Variants in SLC6A15 observed in about 807,000 individuals in gnomAD.
SLC6A15 encodes the protein sodium-dependent neutral amino acid transporter B(0)AT2.
In SLC6A15, 33 loss-of-function variants were observed where a neutral mutation model predicts 68.5. That is an observed-to-expected ratio of 0.48 (90% CI 0.37 to 0.64). SLC6A15 has a LOEUF of 0.64. Among genes scored for constraint, SLC6A15 ranks in the 30% least tolerant of loss-of-function variants. The pLI, the probability that SLC6A15 is intolerant of heterozygous loss-of-function variation, is 0.00. For synonymous variants in SLC6A15, 347 were observed against 301.0 expected (o/e 1.15, Z -1.58); for missense variants, 747 against 874.3 (o/e 0.85, Z 1.84).
At position 84,859,810 on chromosome 12, in the gene SLC6A15, C is replaced by A. The variant is rs1870770804; in HGVS notation, c.*1822G>T. Reference sequence around the variant, plus strand: ...AATGCTGTCCAAAATAAATTATTCACAGAAATAGGTAAGATATAGAAGAGA... The same window carrying A: ...AATGCTGTCCAAAATAAATTATTCAAAGAAATAGGTAAGATATAGAAGAGA... On this transcript the variant is annotated 3_prime_UTR_variant, in exon 12 of 12. Transcript: ENST00000266682. 6.6e-6 allele frequency: 1 copy of A among 151,864 alleles called. No homozygotes were observed. Among genetic ancestry groups the A allele is most frequent in the Non-Finnish European group, 1.5e-5 (1 of 67,890 alleles). The allele number at this position is 151,864 out of a possible 1,614,324, so 9.4% of individuals were successfully genotyped here.
At chr12:84,900,025 C>G (rs924168764) in intron 1 of SLC6A15, among the ~76,000 whole-genome samples, 4 of 151,978 alleles carry the variant, frequency 2.6e-5, no homozygotes, top group Non-Finnish European at 5.9e-5. Context: ...AAAAACCCAG[C>G]CTACTAGGAT....
In SLC6A15 at chr12:84,879,752, T is replaced by C. The variant is rs547975106; in HGVS notation, c.757-3145A>G. 4.6e-5 allele frequency among the ~76,000 whole-genome samples: 7 copies of C among 152,166 alleles called. 1 individual carries two copies. Among genetic ancestry groups the C allele is most frequent in the Non-Finnish European group, 8.8e-5 (6 of 67,942 alleles). ...ATATTGCACATTAAGATAAAACTTA[T>C]AGGAATTTAAGTTTTTCTTCTTGTA... is the stretch of plus-strand genomic sequence containing the variant. On this transcript the variant is annotated intron_variant, in intron 5 of 11. Transcript: ENST00000266682.
chr12:84,902,845 T>C (rs1294601424), intron 1 of SLC6A15, among the ~76,000 whole-genome samples: 3 of 152,100 alleles, frequency 2.0e-5, no homozygotes, highest in Non-Finnish European at 4.4e-5. Flanking sequence ...GAGTTAGGGA[T>C]GGAGAGGGTA....
At chr12:84,862,076 G>C (rs1405541989) in intron 11 of SLC6A15, 70 bp from the exon 12 acceptor site, 2 of 1,437,680 alleles carry the variant, frequency 1.4e-6, no homozygotes, top group Admixed American at 4.6e-5. Context: ...TATTGTACTT[G>C]CTTCAAGTTT....
chr12:84,901,035 CATACACATATACGTATATATGT>C (rs1872851546), intron 1 of SLC6A15, among the ~76,000 whole-genome samples: 1 of 127,990 alleles, frequency 7.8e-6, no homozygotes, highest in Non-Finnish European at 1.7e-5. Flanking sequence ...TGTATATATG[CATACACATATACGTATATATGT>C]ATACGTATAT....
At chr12:84,903,416 GC>G (rs1327312177) in intron 1 of SLC6A15, among the ~76,000 whole-genome samples, 1 of 151,970 alleles carries the variant, frequency 6.6e-6, no homozygotes, top group African/African-American at 2.4e-5. Context: ...ATACTAATAT[GC>G]CCTAAAAAAC....
intron 1 of SLC6A15, among the ~76,000 whole-genome samples, chr12:84,894,581 T>A (rs542167988): frequency 2.6e-5 from 4 of 152,256 alleles, no homozygotes; most frequent in Non-Finnish European, 5.9e-5. Context: ...GTGTGAACCA[T>A]GAATCTCCCC....
chr12:84,895,193 C>T (rs1407665377), intron 1 of SLC6A15, among the ~76,000 whole-genome samples: 4 of 151,798 alleles, frequency 2.6e-5, no homozygotes, highest in African/African-American at 4.8e-5. Context: ...AAGTTATTGC[C>T]TTGAGAATGA....
intron 1 of SLC6A15, among the ~76,000 whole-genome samples, chr12:84,900,838 C>T (rs1288464003): frequency 6.6e-6 from 1 of 150,410 alleles, no homozygotes; most frequent in Non-Finnish European, 1.5e-5. Context: ...AATAAATCTG[C>T]TATATTTTGT....
chr12:84,906,790 A>C (rs1329759009), intron 1 of SLC6A15, among the ~76,000 whole-genome samples: 2 of 152,196 alleles, frequency 1.3e-5, no homozygotes, highest in African/African-American at 4.8e-5. Flanking sequence ...ATTCAAAATG[A>C]ATTACAAACT....
At chr12:84,866,854 C>T (rs183042657) in intron 10 of SLC6A15, among the ~76,000 whole-genome samples, 180 bp downstream of exon 10, 30 of 152,172 alleles carry the variant, frequency 2.0e-4, no homozygotes, top group African/African-American at 7.2e-4. Context: ...TTCTATTTGC[C>T]CAACAGGGAA....
At chr12:84,906,758 C>T (rs1176741892) in intron 1 of SLC6A15, among the ~76,000 whole-genome samples, 1 of 152,070 alleles carries the variant, frequency 6.6e-6, no homozygotes, top group East Asian at 1.9e-4. Context: ...GAACCTAAAT[C>T]TCATATCTTA....
chr12:84,893,163 A>C (rs1872493909), intron 1 of SLC6A15, among the ~76,000 whole-genome samples: 1 of 152,202 alleles, frequency 6.6e-6, no homozygotes, highest in South Asian at 2.1e-4. Context: ...CATGTTTTTA[A>C]GGATCTTATA....
chr12:84,863,697 T>C (rs1331650726), intron 10 of SLC6A15, 96 bp from the exon 11 acceptor site: 19 of 856,934 alleles, frequency 2.2e-5, no homozygotes, highest in Non-Finnish European at 3.0e-5. Flanking sequence ...ACATTTACCA[T>C]TGATACCCTA....
chr12:84,912,294 C>G (rs187277473), intron 1 of SLC6A15, among the ~76,000 whole-genome samples: 3 of 152,184 alleles, frequency 2.0e-5, no homozygotes, highest in Admixed American at 6.5e-5. Flanking sequence ...TGTCGCCCCC[C>G]ACCCTGATTG....
At chr12:84,908,740 C>T (rs943835402) in intron 1 of SLC6A15, among the ~76,000 whole-genome samples, 2 of 151,472 alleles carry the variant, frequency 1.3e-5, no homozygotes, top group Non-Finnish European at 3.0e-5. Context: ...TGTGTGTATA[C>T]ACACTTAAAC....
At chr12:84,901,653 C>T (rs1442677295) in intron 1 of SLC6A15, among the ~76,000 whole-genome samples, 3 of 151,604 alleles carry the variant, frequency 2.0e-5, no homozygotes, top group Non-Finnish European at 4.4e-5. Flanking sequence ...TGAAAATATG[C>T]AAACACTTGA....
chr12:84,872,276 T>A (rs143319591), intron 8 of SLC6A15, among the ~76,000 whole-genome samples: 1 of 152,146 alleles, frequency 6.6e-6, no homozygotes, highest in Non-Finnish European at 1.5e-5. Context: ...ATAATTCTAA[T>A]TCTGTATTGA....
intron 8 of SLC6A15, among the ~76,000 whole-genome samples, chr12:84,871,244 C>T (rs1592594856): frequency 1.3e-5 from 2 of 149,804 alleles, no homozygotes; most frequent in Admixed American, 6.6e-5. Flanking sequence ...TATAAAAAGC[C>T]AATTTTTAAT....
Sources: allele counts gnomAD v4.1 joint callset (sites outside exome capture counted in the v4.1 genomes callset), GRCh38; gene constraint gnomAD v4.1.1; transcripts MANE v1.5; gene names NCBI Gene and HGNC (gene_info 2026-07-23, HGNC 2026-07-21).